The following TANGO2 variants were observed in gnomAD, a reference collection of about 807,000 sequenced individuals.
TANGO2 encodes the protein transport and golgi organization 2 homolog.
A neutral mutation model predicts 39.1 loss-of-function variants in TANGO2; 26 were observed. The observed-to-expected ratio is 0.67, with a 90% CI of 0.49 to 0.92. The LOEUF is 0.92. Among genes scored for constraint, TANGO2 ranks in the 40% least tolerant of loss-of-function variants. TANGO2 has a pLI of 0.00. For missense variants in TANGO2, 326 were observed against 360.1 expected, an observed-to-expected ratio of 0.91 and a Z score of 0.77; for synonymous variants, 131 against 144.5, an observed-to-expected ratio of 0.91 and a Z score of 0.67.
intron 3 of TANGO2, among the ~76,000 whole-genome samples, 153 bp from the exon 4 acceptor site, chr22:20,052,312 C>T (rs559153953): frequency 6.6e-6 from 1 of 152,336 alleles, no homozygotes; most frequent in Admixed American, 6.5e-5. Context: ...GCCACGATTC[C>T]ATAGCTGGGG....
chr22:20,027,573 C>T (rs1220098333), intron 1 of TANGO2, among the ~76,000 whole-genome samples: 1 of 151,916 alleles, frequency 6.6e-6, no homozygotes, highest in African/African-American at 2.4e-5. Flanking sequence ...GTTAAGAACA[C>T]TCTGGCGCCA....
At chr22:20,028,489 A>G (rs7290592) in intron 1 of TANGO2, among the ~76,000 whole-genome samples, 3,636 of 152,314 alleles carry the variant, frequency 0.024, 159 homozygotes, top group African/African-American at 0.082. Flanking sequence ...CGATGGTATT[A>G]ACAACTATGG....
At chr22:20,059,887 C>T (rs1008622566) in intron 6 of TANGO2, among the ~76,000 whole-genome samples, 2 of 151,912 alleles carry the variant, frequency 1.3e-5, no homozygotes, top group African/African-American at 4.8e-5. Flanking sequence ...TGAAGCTTTC[C>T]CCAATACTTT....
chr22:20,029,978 G>A (rs1479400569), intron 1 of TANGO2, among the ~76,000 whole-genome samples: 6 of 152,056 alleles, frequency 3.9e-5, no homozygotes, highest in African/African-American at 1.2e-4. Flanking sequence ...GCCTCACGAC[G>A]CACATCCTTT....
chr22:20,064,594 C>A lies in TANGO2; in HGVS notation c.763C>A (p.Arg255Ser), dbSNP rs201237746. The change falls in exon 9 of 9, where the codon CGT becomes AGT. Residue 255 changes from arginine (R) to serine (S), a missense_variant. Coordinates refer to ENST00000327374, the MANE Select transcript of TANGO2 (RefSeq NM_152906.7). The part of the protein sequence containing the change: ...DADGHVTFTE[R>S]SMMDKDLSHW... ...GGACGGCCACGTGACCTTCACTGAG[C>A]GTAGCATGATGGACAAGGACCTCTC... is the stretch of plus-strand genomic sequence containing the variant. 6.2e-7 allele frequency: 1 copy of A among 1,614,126 alleles called. No homozygotes were observed.
chr22:20,043,547 G>T, intron 3 of TANGO2, 104 bp downstream of exon 3: 1 of 815,146 alleles, frequency 1.2e-6, no homozygotes, highest in South Asian at 1.7e-5. Flanking sequence ...CAAGTGTGAT[G>T]GCGGGGTGTA....
chr22:20,063,470 T>A (rs1187807024), intron 8 of TANGO2, 28 bp downstream of exon 8: 1 of 1,587,252 alleles, frequency 6.3e-7, no homozygotes, highest in African/African-American at 1.3e-5. Flanking sequence ...GTGCGCCACC[T>A]CCTATCCCAT....
chr22:20,024,835 C>T (rs1375349190), intron 1 of TANGO2, among the ~76,000 whole-genome samples: 1 of 152,162 alleles, frequency 6.6e-6, no homozygotes, highest in Non-Finnish European at 1.5e-5. Context: ...AAGCGTGTGT[C>T]CCATCCCCTC....
intron 4 of TANGO2, among the ~76,000 whole-genome samples, chr22:20,052,808 A>G (rs1211949985): frequency 1.3e-5 from 2 of 152,120 alleles, no homozygotes. Flanking sequence ...AAAGCGTGGC[A>G]GGGCAGGGCC....
At chr22:20,020,192 A>T (rs910148370), upstream of TANGO2, among the ~76,000 whole-genome samples, 2 of 152,258 alleles carry the variant, frequency 1.3e-5, no homozygotes, top group Non-Finnish European at 2.9e-5. Flanking sequence ...GTGGGATGAA[A>T]GAACTGCTGA....
chr22:20,027,593 C>G (rs559085204), intron 1 of TANGO2, among the ~76,000 whole-genome samples: 5 of 152,160 alleles, frequency 3.3e-5, no homozygotes, highest in South Asian at 2.1e-4. Context: ...ACAGGCAGCC[C>G]TTGGCTGAGG....
intron 1 of TANGO2, among the ~76,000 whole-genome samples, chr22:20,024,340 C>T (rs984603980): frequency 1.3e-5 from 2 of 152,220 alleles, no homozygotes; most frequent in African/African-American, 4.8e-5. Flanking sequence ...TTCCTGACGT[C>T]AGGACTTTCT....
chr22:20,032,383 C>T (rs2042036956), intron 1 of TANGO2, among the ~76,000 whole-genome samples: 1 of 152,242 alleles, frequency 6.6e-6, no homozygotes, highest in Non-Finnish European at 1.5e-5. Flanking sequence ...GTGCAGGATG[C>T]AGAGACTGGG....
At chr22:20,051,631 C>T (rs1012781339) in intron 3 of TANGO2, among the ~76,000 whole-genome samples, 9 of 152,182 alleles carry the variant, frequency 5.9e-5, no homozygotes, top group Non-Finnish European at 1.0e-4. Flanking sequence ...TCGGGAGGAT[C>T]GCTTGAGCCC....
chr22:20,032,210 A>G (rs2041999326), intron 1 of TANGO2, among the ~76,000 whole-genome samples: 1 of 152,164 alleles, frequency 6.6e-6, no homozygotes. Context: ...TACTTGCCCA[A>G]CTGCTATCCC....
At chr22:20,019,422 C>T (rs1467844664), upstream of TANGO2, 2 of 152,266 alleles carry the variant, frequency 1.3e-5, no homozygotes, top group African/African-American at 4.8e-5. Context: ...CCGTCACCTG[C>T]TTCCTGGCAT....
chr22:20,021,858 G>A (rs1189793806), intron 1 of TANGO2, among the ~76,000 whole-genome samples: 5 of 152,240 alleles, frequency 3.3e-5, no homozygotes, highest in Admixed American at 3.3e-4. Context: ...CACCTCTCCT[G>A]TGCTCCCTTG....
At chr22:20,025,095 C>A (rs1046739504) in intron 1 of TANGO2, among the ~76,000 whole-genome samples, 3 of 150,404 alleles carry the variant, frequency 2.0e-5, no homozygotes, top group Admixed American at 2.0e-4. Flanking sequence ...TGCTTTGTCA[C>A]CTCAAAAGGC....
chr22:20,033,192 G>T (rs774428899), intron 1 of TANGO2: 9 of 523,270 alleles, frequency 1.7e-5, no homozygotes, highest in Admixed American at 1.0e-4. Flanking sequence ...CTCCCCAGGG[G>T]CTGGCTTTCC....
Sources: gnomAD v4.1 joint callset for allele counts (sites outside exome capture counted in the v4.1 genomes callset) on GRCh38, gnomAD v4.1.1 for gene constraint, MANE v1.5 for transcripts, NCBI Gene and HGNC (gene_info 2026-07-23, HGNC 2026-07-21) for gene names.